The following METTL8 variants were observed in gnomAD, a reference collection of about 807,000 sequenced individuals.
The protein encoded by METTL8 is methyltransferase 8, tRNA N3-cytidine.
A neutral mutation model predicts 48.7 loss-of-function variants in METTL8; 32 were observed. The ratio of observed to expected loss-of-function variants is 0.66; its 90% CI spans 0.50 to 0.88. The LOEUF (loss-of-function observed/expected upper bound fraction) is 0.88, where lower values mean the gene tolerates loss of function less well. Ranked by LOEUF, METTL8 falls within the 40% of genes least tolerant of loss-of-function variation. The pLI is 0.00. For missense variants in METTL8, 464 were observed against 474.4 expected (o/e 0.98, Z 0.20); for synonymous variants, 136 against 157.1 (o/e 0.87, Z 1.01).
intron 2 of METTL8, among the ~76,000 whole-genome samples, chr2:171,369,815 A>C (rs1310402968): frequency 1.3e-5 from 2 of 152,130 alleles, no homozygotes; most frequent in Non-Finnish European, 2.9e-5. Context: ...CACCTGTAAT[A>C]CCAGCATTTT....
chr2:171,416,789 T>C (rs977196325), intron 1 of METTL8, among the ~76,000 whole-genome samples: 6 of 152,318 alleles, frequency 3.9e-5, no homozygotes, highest in African/African-American at 1.2e-4. Context: ...CTTGGTCACA[T>C]AGCCACAAGA....
intron 1 of METTL8, among the ~76,000 whole-genome samples, chr2:171,404,855 C>G (rs1421712364): frequency 6.6e-6 from 1 of 151,866 alleles, no homozygotes; most frequent in Non-Finnish European, 1.5e-5. Context: ...AGAAAGAGGC[C>G]CAGGGCTACA....
chr2:171,401,006 G>A (rs567269487), intron 1 of METTL8, among the ~76,000 whole-genome samples: 1 of 152,226 alleles, frequency 6.6e-6, no homozygotes, highest in African/African-American at 2.4e-5. Flanking sequence ...CCATGTAAAA[G>A]TTAACTTCCC....
intron 3 of METTL8, among the ~76,000 whole-genome samples, chr2:171,348,005 A>T (rs558919677): frequency 1.2e-4 from 19 of 152,202 alleles, no homozygotes; most frequent in Non-Finnish European, 1.0e-4. Flanking sequence ...GTGATACCAG[A>T]AGATAAGATA....
chr2:171,388,417 C>T (rs917866378), intron 2 of METTL8, among the ~76,000 whole-genome samples: 2 of 152,220 alleles, frequency 1.3e-5, no homozygotes, highest in African/African-American at 4.8e-5. Context: ...GTCATTCCAA[C>T]CTTATCTTTC....
At chr2:171,393,853 C>G (rs10195990) in intron 1 of METTL8, among the ~76,000 whole-genome samples, 8,249 of 152,140 alleles carry the variant, frequency 0.054, 245 homozygotes, top group African/African-American at 0.072. Context: ...TCAAAAACAG[C>G]TCTTTGTACT....
At chr2:171,418,606 T>C (rs540370734) in intron 1 of METTL8, among the ~76,000 whole-genome samples, 7 of 152,278 alleles carry the variant, frequency 4.6e-5, no homozygotes, top group South Asian at 2.1e-4. Context: ...TATAACTAAA[T>C]ACTAACAGTT....
intron 2 of METTL8, among the ~76,000 whole-genome samples, chr2:171,370,011 A>G (rs1396506225): frequency 1.3e-5 from 2 of 151,984 alleles, no homozygotes; most frequent in African/African-American, 4.8e-5. Flanking sequence ...GGTTGCAATG[A>G]GCCGAGATCA....
rs192189452 is a variant in METTL8, at chr2:171,335,715, G to A, written c.656+1738C>T. Among the ~76,000 whole-genome samples, 8 of 152,144 alleles carry A rather than the reference G, an allele frequency of 5.3e-5. No individual in the cohort carries two copies. In the South Asian group the frequency reaches 6.2e-4, roughly 12 times the overall value. On this transcript the variant is annotated intron_variant, in intron 5 of 9. Transcript: ENST00000375258. ...GCTGGGATTACAGGTGTGAGCCACC[G>A]CACCAGGCCCCAGATGCTTTTACAT...
At chr2:171,418,820 T>C (rs1372775625) in intron 1 of METTL8, among the ~76,000 whole-genome samples, 1 of 152,014 alleles carries the variant, frequency 6.6e-6, no homozygotes, top group Admixed American at 6.5e-5. Context: ...CCAGGCATAG[T>C]AGCATGTGCC....
intron 2 of METTL8, among the ~76,000 whole-genome samples, chr2:171,375,456 A>G (rs1180543633): frequency 1.3e-5 from 2 of 152,192 alleles, no homozygotes; most frequent in African/African-American, 4.8e-5. Context: ...CAGTTCCTCT[A>G]CATCCTTATC....
At position 171,353,788 on chromosome 2, in the gene METTL8, T is replaced by C. The variant is rs1684220793; in HGVS notation, c.235+6634A>G. Among the ~76,000 whole-genome samples, 4 of 151,970 alleles carry C rather than the reference T, an allele frequency of 2.6e-5. No individual in the cohort carries two copies. The South Asian group carries it at 8.3e-4, about 32-fold the overall frequency. ...CAGAGACTAGGATTGCAACCCCTGC[T>C]TTTTTTTGTTTTCCATTTGCTTGGT... On this transcript the variant is annotated intron_variant, in intron 3 of 9. Transcript: ENST00000375258.
chr2:171,404,055 A>ATATG (rs1434885222), intron 1 of METTL8, among the ~76,000 whole-genome samples: 1 of 29,972 alleles, frequency 3.3e-5, no homozygotes, highest in Non-Finnish European at 7.0e-5. Flanking sequence ...GCTTTCTCAT[A>ATATG]TATATATATA....
chr2:171,432,226 C>CAAAAAAAAAAA (rs5836336), intron 1 of METTL8, among the ~76,000 whole-genome samples: 1 of 142,420 alleles, frequency 7.0e-6, no homozygotes, highest in Non-Finnish European at 1.5e-5. Context: ...AAAGCAACGT[C>CAAAAAAAAAAA]AAAAAAAAAA....
intron 1 of METTL8, among the ~76,000 whole-genome samples, chr2:171,392,758 TAAG>T (rs1439172492): frequency 6.6e-6 from 1 of 152,152 alleles, no homozygotes; most frequent in Admixed American, 6.5e-5. Context: ...CATATATTTT[TAAG>T]AATAGTCAGT....
chr2:171,411,611 G>A (rs1197536123), intron 1 of METTL8, among the ~76,000 whole-genome samples: 1 of 152,080 alleles, frequency 6.6e-6, no homozygotes, highest in Non-Finnish European at 1.5e-5. Flanking sequence ...TAAGAAAAGG[G>A]CCACCCGTTT....
At chr2:171,348,296 G>A (rs574407542) in intron 3 of METTL8, among the ~76,000 whole-genome samples, 11 of 152,292 alleles carry the variant, frequency 7.2e-5, no homozygotes, top group African/African-American at 2.4e-4. Flanking sequence ...GGGCCAGATA[G>A]TATTTTAGTC....
rs150762341 is a variant in METTL8, at chr2:171,316,222, A to G, written c.*7950T>C. Reference sequence around the variant, plus strand: ...CTTGCTTATCCAGGGAATGAGCAGGACTTAATTCTCATGCCGGCATGGGGC... The same window carrying G: ...CTTGCTTATCCAGGGAATGAGCAGGGCTTAATTCTCATGCCGGCATGGGGC... On this transcript the variant is annotated 3_prime_UTR_variant, in exon 10 of 10. Transcript: ENST00000375258. 3.3e-5 allele frequency among the ~76,000 whole-genome samples: 5 copies of G among 152,312 alleles called. No individual in the cohort carries two copies. Among genetic ancestry groups the G allele is most frequent in the African/African-American group, 1.2e-4 (5 of 41,574 alleles).
Position 171,331,819 on chromosome 2 carries a change from A to G in METTL8, c.705T>C (p.Ala235=), listed in dbSNP as rs753687630. Residue 235 remains alanine (A), a synonymous_variant, in exon 6 of 10, where the codon GCT becomes GCC. Coordinates refer to ENST00000375258, the MANE Select transcript of METTL8 (RefSeq NM_001321154.2). ...FLYCCDFASG[A]VELVKSHSSY... is the part of the protein sequence containing the mutation. The stretch of plus-strand genomic sequence containing the variant: ...AGTAGCATACCTTTACGAGCTCCAC[A>G]GCTCCAGAAGCAAAATCACAACAAT... 5 of 1,604,368 alleles carry G rather than the reference A, an allele frequency of 3.1e-6. No individual in the cohort carries two copies. The Admixed American group carries it at 8.5e-5, about 27-fold the overall frequency.
Sources: allele counts gnomAD v4.1 joint callset (sites outside exome capture counted in the v4.1 genomes callset), GRCh38; gene constraint gnomAD v4.1.1; transcripts MANE v1.5; gene names NCBI Gene and HGNC (gene_info 2026-07-23, HGNC 2026-07-21).